The following UMAD1 variants were observed in gnomAD, a reference collection of about 807,000 sequenced individuals.
UMAD1 encodes UBAP1-MVB12-associated (UMA)-domain containing protein 1.
A neutral mutation model predicts 6.1 loss-of-function variants in UMAD1; 8 were observed. The observed-to-expected ratio is 1.30, with a 90% confidence interval of 0.76 to 2.35. The LOEUF (loss-of-function observed/expected upper bound fraction) is 2.35. Among genes scored for constraint, UMAD1 ranks in the 30% most tolerant of loss-of-function variants. The probability of loss-of-function intolerance (pLI) is 0.00; values close to 1 mark genes in which losing one functional copy is unlikely to be tolerated. For missense variants in UMAD1, 130 were observed against 78.4 expected, an observed-to-expected ratio of 1.66 and a Z score of -2.49; for synonymous variants, 56 against 31.4, an observed-to-expected ratio of 1.78 and a Z score of -2.61.
intron 2 of UMAD1, among the ~76,000 whole-genome samples, chr7:7,746,150 A>G (rs2115212563): frequency 6.6e-6 from 1 of 152,294 alleles, no homozygotes; most frequent in East Asian, 1.9e-4. Flanking sequence ...CGTGGTTTGC[A>G]TGCACCGTAG....
chr7:7,800,585 A>T (rs997346652), intron 2 of UMAD1, among the ~76,000 whole-genome samples: 2 of 152,000 alleles, frequency 1.3e-5, no homozygotes, highest in African/African-American at 2.4e-5. Context: ...TTTATCCCTC[A>T]CCCTCTCCCA....
intron 3 of UMAD1, among the ~76,000 whole-genome samples, chr7:7,863,245 C>T (rs13233753): frequency 0.093 from 14,082 of 152,184 alleles, 819 homozygotes; most frequent in Middle Eastern, 0.16. Context: ...TAGTCACTAA[C>T]CTCTGAGCCT....
At chr7:7,710,866 C>T (rs1372322105) in intron 2 of UMAD1, among the ~76,000 whole-genome samples, 1 of 152,126 alleles carries the variant, frequency 6.6e-6, no homozygotes, top group Non-Finnish European at 1.5e-5. Context: ...GAAGAAGTAA[C>T]AAACTGTTGA....
At chr7:7,715,609 A>C (rs907785319) in intron 2 of UMAD1, among the ~76,000 whole-genome samples, 1 of 152,344 alleles carries the variant, frequency 6.6e-6, no homozygotes, top group East Asian at 1.9e-4. Context: ...TCAAATGAGG[A>C]TAAAGTTTTT....
At chr7:7,775,834 G>C (rs1427300760) in intron 2 of UMAD1, among the ~76,000 whole-genome samples, 1 of 152,118 alleles carries the variant, frequency 6.6e-6, no homozygotes, top group Admixed American at 6.5e-5. Context: ...TATACTATGT[G>C]ATTCCATTTA....
chr7:7,792,834 A>C (rs986783216), intron 2 of UMAD1, among the ~76,000 whole-genome samples: 22 of 152,146 alleles, frequency 1.4e-4, no homozygotes, highest in Non-Finnish European at 4.4e-5. Flanking sequence ...GTGAGGGCGC[A>C]CTTTTTGGTT....
At chr7:7,872,460 G>A (rs59449655) in intron 3 of UMAD1, among the ~76,000 whole-genome samples, 350 of 152,258 alleles carry the variant, frequency 2.3e-3, no homozygotes, top group African/African-American at 7.9e-3. Flanking sequence ...ATCTTACATG[G>A]GCATGGTTCG....
chr7:7,724,620 C>A (rs575324045), intron 2 of UMAD1, among the ~76,000 whole-genome samples: 3 of 152,206 alleles, frequency 2.0e-5, no homozygotes, highest in African/African-American at 7.2e-5. Flanking sequence ...ACTCAGCTCT[C>A]CTGTTTGGCC....
chr7:7,787,607 C>G (rs914598690), intron 2 of UMAD1, among the ~76,000 whole-genome samples: 1 of 152,136 alleles, frequency 6.6e-6, no homozygotes, highest in Non-Finnish European at 1.5e-5. Flanking sequence ...ATGCAGAACC[C>G]AGTAAAATCT....
intron 3 of UMAD1, among the ~76,000 whole-genome samples, chr7:7,859,633 G>A (rs992176083): frequency 1.3e-5 from 2 of 152,114 alleles, no homozygotes; most frequent in Admixed American, 6.5e-5. Flanking sequence ...TAAATGATTC[G>A]CTTAAGGTCA....
chr7:7,753,035 A>G (rs1033380472), intron 2 of UMAD1, among the ~76,000 whole-genome samples: 1 of 152,188 alleles, frequency 6.6e-6, no homozygotes, highest in Non-Finnish European at 1.5e-5. Flanking sequence ...AGTGAGAAGT[A>G]AAAGACCCCT....
At chr7:7,741,859 C>T (rs1266319534) in intron 2 of UMAD1, 1 of 212,092 alleles carries the variant, frequency 4.7e-6, no homozygotes, top group Non-Finnish European at 9.5e-6. Context: ...AAATAGAACA[C>T]CTTTGTAAAA....
intron 3 of UMAD1, among the ~76,000 whole-genome samples, chr7:7,864,303 C>G (rs1022673414): frequency 2.0e-5 from 3 of 152,102 alleles, no homozygotes; most frequent in African/African-American, 7.2e-5. Flanking sequence ...ATAGTAAACA[C>G]TGAAATAAAT....
chr7:7,657,109 G>T (rs985542250), intron 1 of UMAD1, among the ~76,000 whole-genome samples: 3 of 152,114 alleles, frequency 2.0e-5, no homozygotes, highest in Non-Finnish European at 2.9e-5. Flanking sequence ...CTGCATAAAT[G>T]TCTTCTTTTG....
intron 2 of UMAD1, among the ~76,000 whole-genome samples, chr7:7,774,121 C>T (rs1782154791): frequency 6.6e-6 from 1 of 152,178 alleles, no homozygotes; most frequent in Admixed American, 6.5e-5. Context: ...GCACCAAAAT[C>T]TTCTTCCCCT....
chr7:7,649,518 C>T (rs1785174463), intron 1 of UMAD1, among the ~76,000 whole-genome samples: 1 of 152,162 alleles, frequency 6.6e-6, no homozygotes, highest in South Asian at 2.1e-4. Flanking sequence ...ATATTCAAAC[C>T]ACAGCAGGAT....
chr7:7,866,421 T>C (rs1784226283), intron 3 of UMAD1, among the ~76,000 whole-genome samples: 1 of 152,128 alleles, frequency 6.6e-6, no homozygotes, highest in African/African-American at 2.4e-5. Context: ...TGGCCCACGT[T>C]TGGGGAGTTA....
intron 2 of UMAD1, among the ~76,000 whole-genome samples, chr7:7,740,170 T>C (rs1781434840): frequency 6.6e-6 from 1 of 152,248 alleles, no homozygotes; most frequent in African/African-American, 2.4e-5. Flanking sequence ...TTTCTTTGTT[T>C]CTTCCTTTCC....
At chr7:7,641,868 T>C (rs1219112996) in intron 1 of UMAD1, among the ~76,000 whole-genome samples, 1 of 152,202 alleles carries the variant, frequency 6.6e-6, no homozygotes, top group Non-Finnish European at 1.5e-5. Context: ...TGGAATCTCA[T>C]GTACGATAAT....
Sources: gnomAD v4.1 joint callset for allele counts (sites outside exome capture counted in the v4.1 genomes callset) on GRCh38, gnomAD v4.1.1 for gene constraint, MANE v1.5 for transcripts, NCBI Gene and HGNC (gene_info 2026-07-23, HGNC 2026-07-21) for gene names.